The following CEP83 variants were observed in gnomAD, a reference collection of about 807,000 sequenced individuals.
CEP83 encodes centrosomal protein of 83 kDa.
In CEP83, 70 loss-of-function variants were observed where a neutral mutation model predicts 101.9. The observed-to-expected ratio is 0.69, with a 90% CI of 0.57 to 0.84. The LOEUF (loss-of-function observed/expected upper bound fraction) is 0.84, where lower values mean the gene tolerates loss of function less well. CEP83 is among the 40% of genes least tolerant of loss of function. The probability of loss-of-function intolerance (pLI) is 0.00; values close to 1 mark genes in which losing one functional copy is unlikely to be tolerated. For missense variants in CEP83, 715 were observed against 787.2 expected (o/e 0.91, Z 1.10); for synonymous variants, 264 against 267.9 (o/e 0.99, Z 0.14).
the CEP83 span, among the ~76,000 whole-genome samples, chr12:94,266,895 T>C: frequency 1.2e-4 from 19 of 152,358 alleles, no homozygotes; most frequent in East Asian, 3.1e-3. Context: ...AATATACCAG[T>C]GCCCGGGCTT....
the CEP83 span, among the ~76,000 whole-genome samples, chr12:94,274,179 A>AAAAAAAAAAAAAAAAG: frequency 6.7e-6 from 1 of 149,794 alleles, no homozygotes; most frequent in African/African-American, 2.5e-5. Flanking sequence ...AAAAAAAAAA[A>AAAAAAAAAAAAAAAAG]AAAAAAAATT....
At chr12:94,406,450 TGAGAGA>T (rs145004289) in intron 4 of CEP83, among the ~76,000 whole-genome samples, 1 of 148,514 alleles carries the variant, frequency 6.7e-6, no homozygotes, top group South Asian at 2.1e-4. Flanking sequence ...CAGAGAAGCA[TGAGAGA>T]GAGAGAGAGA....
chr12:94,389,040 T>C (rs994430835), intron 6 of CEP83, among the ~76,000 whole-genome samples: 1 of 152,064 alleles, frequency 6.6e-6, no homozygotes. Context: ...GGCAGGAGAA[T>C]TGCTTAAACC....
intron 8 of CEP83, among the ~76,000 whole-genome samples, chr12:94,374,502 A>AT (rs913709348): frequency 3.9e-5 from 6 of 152,278 alleles, no homozygotes; most frequent in East Asian, 1.9e-4. Context: ...TTTTGTATCT[A>AT]TTTTTTTGTA....
chr12:94,403,073 G>T (rs528086502), intron 5 of CEP83, 97 bp downstream of exon 5: 3 of 642,766 alleles, frequency 4.7e-6, no homozygotes, highest in East Asian at 2.7e-5. Flanking sequence ...GTAAAAGGGG[G>T]AACTACTGCA....
At chr12:94,344,010 A>G (rs1039447267) in intron 11 of CEP83, among the ~76,000 whole-genome samples, 11 of 152,232 alleles carry the variant, frequency 7.2e-5, no homozygotes, top group Non-Finnish European at 1.5e-4. Context: ...AGAAAAGGCC[A>G]TGTGAGGACA....
At chr12:94,360,741 GA>G (rs1052281119) in intron 11 of CEP83, among the ~76,000 whole-genome samples, 16 of 148,532 alleles carry the variant, frequency 1.1e-4, no homozygotes, top group Admixed American at 9.4e-4. Context: ...CACAGAAATT[GA>G]AAAAAAAAAT....
chr12:94,412,693 C>CTTTTTTTTTTTTTTTTTTTTTT (rs11330562), intron 2 of CEP83, 102 bp from the exon 3 acceptor site: 1 of 206,232 alleles, frequency 4.8e-6, no homozygotes, highest in Non-Finnish European at 8.5e-6. Flanking sequence ...TTTTTTTTTT[C>CTTTTTTTTTTTTTTTTTTTTTT]TTTTTTTTTT....
intron 1 of CEP83, among the ~76,000 whole-genome samples, chr12:94,445,632 A>T (rs1365264910): frequency 6.6e-6 from 1 of 152,346 alleles, no homozygotes; most frequent in East Asian, 1.9e-4. Context: ...CTCAAAACTA[A>T]ATGATAGGAA....
chr12:94,381,804 T>A (rs954893811), intron 6 of CEP83, among the ~76,000 whole-genome samples: 2 of 152,152 alleles, frequency 1.3e-5, no homozygotes, highest in African/African-American at 4.8e-5. Context: ...TTACTTCTTT[T>A]AAAATTAAAC....
chr12:94,342,068 C>A (rs1368955051), intron 11 of CEP83, among the ~76,000 whole-genome samples: 2 of 152,152 alleles, frequency 1.3e-5, no homozygotes, highest in African/African-American at 4.8e-5. Flanking sequence ...AAAGGACAGA[C>A]AAGATTGGTT....
the CEP83 span, among the ~76,000 whole-genome samples, chr12:94,292,175 C>T: frequency 6.6e-6 from 1 of 152,078 alleles, no homozygotes; most frequent in Non-Finnish European, 1.5e-5. Flanking sequence ...CTTATACTGA[C>T]CCTCAAAATC....
At chr12:94,333,371 G>A (rs1186845513) in intron 13 of CEP83, 111 bp downstream of exon 13, 1 of 880,492 alleles carries the variant, frequency 1.1e-6, no homozygotes, top group Non-Finnish European at 1.7e-6. Flanking sequence ...CTATTAAAGT[G>A]TATTTGTAAC....
chr12:94,305,272 G>C (rs368139262), downstream of CEP83: 19 of 1,606,472 alleles, frequency 1.2e-5, no homozygotes, highest in South Asian at 1.8e-4. Context: ...AAGAAGAAAT[G>C]CAAGTGGATG....
chr12:94,416,577 A>C (rs57082809), intron 2 of CEP83, among the ~76,000 whole-genome samples: 31,496 of 137,144 alleles, frequency 0.23, 3,816 homozygotes, highest in East Asian at 0.47. Context: ...CACACACAAA[A>C]AAAAAAAAAC....
At chr12:94,459,226 T>C (rs889149192) in intron 1 of CEP83, among the ~76,000 whole-genome samples, 17 of 152,208 alleles carry the variant, frequency 1.1e-4, no homozygotes, top group African/African-American at 4.1e-4. Context: ...TTTTAGGTGT[T>C]TATCTCAGTA....
At chr12:94,350,318 T>C (rs550075396) in intron 11 of CEP83, among the ~76,000 whole-genome samples, 1 of 152,126 alleles carries the variant, frequency 6.6e-6, no homozygotes, top group Admixed American at 6.5e-5. Context: ...GAATACAGAA[T>C]GAGTAAATAA....
chr12:94,392,076 A>C (rs1171144879), intron 6 of CEP83, among the ~76,000 whole-genome samples: 1 of 152,208 alleles, frequency 6.6e-6, no homozygotes, highest in Non-Finnish European at 1.5e-5. Context: ...TATTAGACAG[A>C]TCAACGAGAC....
chr12:94,403,510 G>A (rs564850076), intron 4 of CEP83, among the ~76,000 whole-genome samples: 1 of 152,170 alleles, frequency 6.6e-6, no homozygotes, highest in African/African-American at 2.4e-5. Flanking sequence ...GATTATTATT[G>A]CTATTGTTAG....
Sources: allele counts gnomAD v4.1 joint callset (sites outside exome capture counted in the v4.1 genomes callset), GRCh38; gene constraint gnomAD v4.1.1; transcripts MANE v1.5; gene names NCBI Gene and HGNC (gene_info 2026-07-23, HGNC 2026-07-21).